Variants in PCDHGA11 observed in about 807,000 individuals in gnomAD.
The protein encoded by PCDHGA11 is protocadherin gamma subfamily A, 11.
Under a neutral mutation model 60.4 loss-of-function variants are expected in PCDHGA11, and 39 were observed. That is an observed-to-expected ratio of 0.65 (90% CI 0.50 to 0.84). The LOEUF (loss-of-function observed/expected upper bound fraction) is 0.84. Ranked by LOEUF, PCDHGA11 falls within the 40% of genes least tolerant of loss-of-function variation. PCDHGA11 has a pLI of 0.00. For synonymous variants in PCDHGA11, 533 were observed against 510.3 expected (o/e 1.04, Z -0.60); for missense variants, 1,165 against 1,197.7 (o/e 0.97, Z 0.40).
chr5:141,421,518 TGA>T lies in PCDHGA11; in HGVS notation c.294_295del (p.Glu98AspfsTer30). On this transcript the variant is annotated frameshift_variant, in exon 1 of 4. Transcript: ENST00000398587. LOFTEE classifies it high-confidence loss of function. ...GCAGGATAGACCGGGAGGAGCTCTG[TGA>T]GACGGTGTCCTCCTGTTTTTTAAAT... is the stretch of plus-strand genomic sequence containing the variant. The part of the protein sequence containing the change: ...AGRIDREELC[E>X]TVSSCFLNME... 1 of 1,614,058 alleles carries T rather than the reference TGA, an allele frequency of 6.2e-7. No homozygotes were observed. The highest frequency in any genetic ancestry group is 8.5e-7 in the Non-Finnish European group (1 of 1,179,904).
Position 141,431,464 on chromosome 5 carries a change from G to GA in PCDHGA11, c.2433+7806dup, listed in dbSNP as rs1561852795. 1 of 1,613,782 alleles carries GA rather than the reference G, an allele frequency of 6.2e-7. No homozygotes were observed. Among genetic ancestry groups the GA allele is most frequent in the Non-Finnish European group, 8.5e-7 (1 of 1,179,972 alleles). ...GCATCCGCGTGATGGTTCTGGATGC[G>GA]AACGACAACGCACCAGCGTTTGCTC... On this transcript the variant is annotated intron_variant, in intron 1 of 3. Coordinates refer to ENST00000398587, the MANE Select transcript of PCDHGA11 (RefSeq NM_018914.3). This position sits in a 1 kb window ranked among gnomAD's most constrained non-coding sequence, Gnocchi z 4.8.
At chr5:141,495,841 G>A (rs1187067340) in intron 2 of PCDHGA11, among the ~76,000 whole-genome samples, 1 of 151,864 alleles carries the variant, frequency 6.6e-6, no homozygotes, top group Non-Finnish European at 1.5e-5. Context: ...CAGCCTCTAT[G>A]TTTCTCTGTC....
In PCDHGA11 at chr5:141,432,752, G is replaced by C. The variant is rs1407361813; in HGVS notation, c.2433+9092G>C. On this transcript the variant is annotated intron_variant, in intron 1 of 3. Coordinates refer to ENST00000398587, the MANE Select transcript of PCDHGA11 (RefSeq NM_018914.3). The surrounding 1 kb of genome is among the most constrained non-coding windows in gnomAD (Gnocchi z 6.0). Reference sequence around the variant, plus strand: ...CACTGTCACGCTCACCGTGGCCGTGGCCGACAGCATCCCCCAAGTCCTGGC... The same window carrying C: ...CACTGTCACGCTCACCGTGGCCGTGCCCGACAGCATCCCCCAAGTCCTGGC... 9.3e-6 allele frequency: 15 copies of C among 1,614,024 alleles called. No individual in the cohort carries two copies. The highest frequency in any genetic ancestry group is 1.3e-5 in the Non-Finnish European group (15 of 1,180,008).
rs761468303 is a variant in PCDHGA11 at position 141,421,659 on chromosome 5, T to C, written c.432T>C (p.Ser144=). 4 of 1,613,700 alleles carry C rather than the reference T, an allele frequency of 2.5e-6. No individual in the cohort carries two copies. The Admixed American group carries it at 6.7e-5, about 27-fold the overall frequency. The change falls in exon 1 of 4, where the codon AGT becomes AGC. Residue 144 remains serine (S), a synonymous_variant. Transcript: ENST00000398587. ...AGGACGAAGTGGAGATAAAAGTCAG[T>C]GAGCACGCAATTCCTGGGGCGCGAT... The part of the protein sequence containing the change: ...FQEDEVEIKV[S]EHAIPGARFA...
chr5:141,471,080 C>T (rs2099249652), intron 1 of PCDHGA11, among the ~76,000 whole-genome samples: 1 of 147,610 alleles, frequency 6.8e-6, no homozygotes, highest in African/African-American at 2.5e-5. Context: ...ACAGGGTCTC[C>T]CTCTGTTGTC....
rs1561869085 is a variant in PCDHGA11, at chr5:141,433,357, GCCTA to G, written c.2433+9698_2433+9701del. On this transcript the variant is annotated intron_variant, in intron 1 of 3. Transcript: ENST00000398587. ...TACAGGTGCAAGCCACCTACTGTCT[GCCTA>G]TCTATCTATCTATCTATCTATCTAT... is the stretch of plus-strand genomic sequence containing the variant. 3 of 568,974 alleles carry G rather than the reference GCCTA, an allele frequency of 5.3e-6. No homozygotes were observed. In the African/African-American group the frequency reaches 6.4e-5, roughly 12 times the overall value. The allele number at this position is 568,974 out of a possible 1,614,324, so 35.2% of individuals were successfully genotyped here.
At position 141,422,218 on chromosome 5, in the gene PCDHGA11, A is replaced by T; in HGVS notation, c.991A>T (p.Thr331Ser). 2 of 1,564,130 alleles carry T rather than the reference A, an allele frequency of 1.3e-6. No individual in the cohort carries two copies. The highest frequency in any genetic ancestry group is 8.6e-7 in the Non-Finnish European group (1 of 1,160,336). Residue 331 changes from threonine (T) to serine (S), a missense_variant, in exon 1 of 4, where the codon ACC (threonine) becomes TCC (serine). Transcript: ENST00000398587. The stretch of plus-strand genomic sequence containing the variant: ...CCAAGATGGTGGAGGTCTCTTTACC[A>T]CCACGACGATGTTGATCACTGTTGT... ...QGQDGGGLFT[T>S]TTMLITVVDV...
chr5:141,422,968 C>T lies in PCDHGA11; in HGVS notation c.1741C>T (p.Arg581Cys). 6.2e-7 allele frequency: 1 copy of T among 1,614,240 alleles called. No homozygotes were observed. Among genetic ancestry groups the T allele is most frequent in the South Asian group, 1.1e-5 (1 of 91,086 alleles). The change falls in exon 1 of 4, where the codon CGC becomes TGC. Residue 581 changes from arginine to cysteine, a missense_variant. Arg to Cys is a radical substitution (Grantham distance 180, BLOSUM62 -3). Coordinates refer to ENST00000398587, the MANE Select transcript of PCDHGA11 (RefSeq NM_018914.3). ...CTCCACTGGCGTGGAGCTGGCGCCC[C>T]GCTCTGCGGAACCTGGCTACCTGGT... ...DGSTGVELAP[R>C]SAEPGYLVTK...
intron 1 of PCDHGA11, chr5:141,426,967 T>G (rs151241654): frequency 2.2e-6 from 1 of 456,702 alleles, no homozygotes; most frequent in East Asian, 6.9e-5. Context: ...GCAATTCAAA[T>G]TGAGGTCACT....
chr5:141,496,876 A>G (rs964149656), intron 2 of PCDHGA11, among the ~76,000 whole-genome samples: 1 of 149,154 alleles, frequency 6.7e-6, no homozygotes, highest in African/African-American at 2.5e-5. Flanking sequence ...AAAATTTGCA[A>G]CAAGTAACAC....
chr5:141,491,598 C>T lies in PCDHGA11; in HGVS notation c.2434-3209C>T, dbSNP rs1410472886. On this transcript the variant is annotated intron_variant, in intron 1 of 3. Transcript: ENST00000398587. This position sits in a 1 kb window ranked among gnomAD's most constrained non-coding sequence, Gnocchi z 6.9. ...TTTCACCGGCCTCGGACGGCAGTGA[C>T]TTCACTTTTCTAAGACCCCTCAGCG... 1.4e-5 allele frequency: 22 copies of T among 1,613,872 alleles called. No homozygotes were observed. The highest frequency in any genetic ancestry group is 1.8e-5 in the Non-Finnish European group (21 of 1,180,048).
rs145936007 is a variant in PCDHGA11, at chr5:141,490,795, C to T, written c.2434-4012C>T. 2.0e-5 allele frequency: 33 copies of T among 1,614,036 alleles called. No homozygotes were observed. Among genetic ancestry groups the T allele is most frequent in the Non-Finnish European group, 2.8e-5 (33 of 1,179,922 alleles). ...CCCAGAGGATGGACGGATCTTTGCC[C>T]AGCGTACCTTTGACTATGAATTGCT... On this transcript the variant is annotated intron_variant, in intron 1 of 3. Coordinates refer to ENST00000398587, the MANE Select transcript of PCDHGA11 (RefSeq NM_018914.3). This position sits in a 1 kb window ranked among gnomAD's most constrained non-coding sequence, Gnocchi z 5.4.
At chr5:141,488,991 T>G in intron 1 of PCDHGA11, 1 of 414,332 alleles carries the variant, frequency 2.4e-6, no homozygotes, top group Non-Finnish European at 4.3e-6. Flanking sequence ...AGAGCTGAGG[T>G]GGGAGATCTG....
At position 141,487,748 on chromosome 5, in the gene PCDHGA11, T is replaced by C. The variant is rs1458153935; in HGVS notation, c.2434-7059T>C. On this transcript the variant is annotated intron_variant, in intron 1 of 3. Coordinates refer to ENST00000398587, the MANE Select transcript of PCDHGA11 (RefSeq NM_018914.3). The surrounding 1 kb of genome is among the most constrained non-coding windows in gnomAD (Gnocchi z 5.0). ...TGTCACCATTTTTGTAAGAGGTAAC[T>C]ATGTGGTAGACGCTGTGCTTTGTAA... 1 of 1,557,436 alleles carries C rather than the reference T, an allele frequency of 6.4e-7. No individual in the cohort carries two copies. Among genetic ancestry groups the C allele is most frequent in the Non-Finnish European group, 8.7e-7 (1 of 1,149,514 alleles).
At chr5:141,434,199 T>G (rs1406339464) in intron 1 of PCDHGA11, among the ~76,000 whole-genome samples, 1 of 151,914 alleles carries the variant, frequency 6.6e-6, no homozygotes, top group Non-Finnish European at 1.5e-5. Context: ...CCAATGTACT[T>G]ACTTCTGTCA....
intron 1 of PCDHGA11, among the ~76,000 whole-genome samples, chr5:141,442,789 T>C (rs2098343347): frequency 6.6e-6 from 1 of 152,196 alleles, no homozygotes; most frequent in African/African-American, 2.4e-5. Flanking sequence ...ATTTTATAAT[T>C]TTACTTTGAT....
In PCDHGA11 at chr5:141,505,496, T is replaced by C; in HGVS notation, c.2581+15T>C. 6.2e-7 allele frequency: 1 copy of C among 1,614,148 alleles called. No homozygotes were observed. The highest frequency in any genetic ancestry group is 8.5e-7 in the Non-Finnish European group (1 of 1,180,004). ...GTCCGCCAGTGGTAAGTGGTGTCAGTGTGTGTATGGAAGAGTGGGAGACCT... is the reference window on the plus strand; with the variant it reads ...GTCCGCCAGTGGTAAGTGGTGTCAGCGTGTGTATGGAAGAGTGGGAGACCT... On this transcript the variant is annotated intron_variant, in intron 3 of 3. Transcript: ENST00000398587.
intron 1 of PCDHGA11, among the ~76,000 whole-genome samples, chr5:141,439,168 G>C (rs2098092980): frequency 6.6e-6 from 1 of 150,792 alleles, no homozygotes; most frequent in Non-Finnish European, 1.5e-5. Context: ...ACTCCAGCCT[G>C]GGCGACATAG....
chr5:141,449,283 A>C (rs937339676), intron 1 of PCDHGA11, among the ~76,000 whole-genome samples: 1 of 152,102 alleles, frequency 6.6e-6, no homozygotes, highest in African/African-American at 2.4e-5. Flanking sequence ...CTTCACCCGG[A>C]TGCACCGGGT....
Sources: gnomAD v4.1 joint callset for allele counts (sites outside exome capture counted in the v4.1 genomes callset) on GRCh38, gnomAD v4.1.1 for gene constraint, Gnocchi (gnomAD v3.1) non-coding constraint, MANE v1.5 for transcripts, NCBI Gene and HGNC (gene_info 2026-07-23, HGNC 2026-07-21) for gene names.